Variants in RICTOR observed in about 807,000 individuals in gnomAD.
RICTOR encodes the protein rapamycin-insensitive companion of mTOR.
Under a neutral mutation model 214.9 loss-of-function variants are expected in RICTOR, and 49 were observed. The observed-to-expected ratio is 0.23, with a 90% CI of 0.18 to 0.29. The LOEUF (loss-of-function observed/expected upper bound fraction) is 0.29. Among genes scored for constraint, RICTOR ranks in the 10% least tolerant of loss-of-function variants. The pLI, the probability that RICTOR is intolerant of heterozygous loss-of-function variation, is 1.00. For synonymous variants in RICTOR, 717 were observed against 711.3 expected (o/e 1.01, Z -0.13); for missense variants, 1,625 against 2,047.0 (o/e 0.79, Z 3.98).
chr5:39,073,812 G>A (rs967645018), intron 2 of RICTOR, among the ~76,000 whole-genome samples: 1 of 152,174 alleles, frequency 6.6e-6, no homozygotes, highest in African/African-American at 2.4e-5. Flanking sequence ...CCACTCTGCC[G>A]GAGCTCGAGC....
chr5:39,042,482 T>A (rs954573950), intron 2 of RICTOR, among the ~76,000 whole-genome samples: 6 of 152,196 alleles, frequency 3.9e-5, no homozygotes, highest in African/African-American at 1.2e-4. Flanking sequence ...AAAGTCACAC[T>A]AATACCAGAT....
rs1755135398 is a variant in RICTOR, at chr5:39,018,423, GT to G, written c.195+2615del. Reference sequence around the variant, plus strand: ...TTTTATTGAGCTTCACAGATACTCTGTTTTTTACACATTGAAGGTTTGTGGC... The same window carrying G: ...TTTTATTGAGCTTCACAGATACTCTGTTTTTACACATTGAAGGTTTGTGGC... On this transcript the variant is annotated intron_variant, in intron 3 of 37. Coordinates refer to ENST00000357387, the MANE Select transcript of RICTOR (RefSeq NM_152756.5). Among the ~76,000 whole-genome samples, 2 of 152,054 alleles carry G rather than the reference GT, an allele frequency of 1.3e-5. 1 individual carries two copies. Among genetic ancestry groups the G allele is most frequent in the South Asian group, 4.1e-4 (2 of 4,830 alleles).
At chr5:39,035,720 C>T (rs192684039) in intron 2 of RICTOR, among the ~76,000 whole-genome samples, 6 of 151,738 alleles carry the variant, frequency 4.0e-5, no homozygotes, top group East Asian at 3.9e-4. Flanking sequence ...AGGGTATCAG[C>T]GATAGAAGAT....
At position 38,944,900 on chromosome 5, in the gene RICTOR, T is replaced by C. The variant is rs755408099; in HGVS notation, c.4789+13A>G. 2.5e-6 allele frequency: 4 copies of C among 1,611,656 alleles called. No individual in the cohort carries two copies. The highest frequency in any genetic ancestry group is 4.5e-5 in the East Asian group (2 of 44,864). On this transcript the variant is annotated intron_variant, in intron 35 of 37. Coordinates refer to ENST00000357387, the MANE Select transcript of RICTOR (RefSeq NM_152756.5). ...TTTACTAATAATGATTGGATTTGAATCTGAAGACTCACCTAGTAACAATTC... is the reference window on the plus strand; with the variant it reads ...TTTACTAATAATGATTGGATTTGAACCTGAAGACTCACCTAGTAACAATTC...
intron 2 of RICTOR, among the ~76,000 whole-genome samples, chr5:39,049,987 CTT>C (rs929051504): frequency 6.6e-6 from 1 of 152,098 alleles, no homozygotes; most frequent in Non-Finnish European, 1.5e-5. Context: ...AGGACTGACA[CTT>C]TTCTGGAATT....
rs869254811 is a variant in RICTOR, at chr5:38,994,419, TAAAAAAAAAAAAAAAA to T, written c.456+2384_456+2399del. 5.6e-4 allele frequency among the ~76,000 whole-genome samples: 32 copies of T among 57,158 alleles called. 3 individuals carry two copies. In the South Asian group the frequency reaches 0.014, roughly 25 times the overall value. 37.5% of individuals were successfully genotyped at this position (57,158 alleles called of 152,430 possible). Reference sequence around the variant, plus strand: ...TGTAGTACAGCTGCCAAGGTTTTACTAAAAAAAAAAAAAAAAAAAAAAAAAAAAAAAAAGTGCTTCA... The same window carrying T: ...TGTAGTACAGCTGCCAAGGTTTTACTAAAAAAAAAAAAAAAAAGTGCTTCA... On this transcript the variant is annotated intron_variant, in intron 6 of 37. Coordinates refer to ENST00000357387, the MANE Select transcript of RICTOR (RefSeq NM_152756.5).
chr5:38,946,429 T>C, intron 33 of RICTOR, 39 bp downstream of exon 33: 1 of 1,258,218 alleles, frequency 7.9e-7, no homozygotes, highest in Non-Finnish European at 1.2e-6. Context: ...CTTTTTAATA[T>C]AAAGAGGCAT....
chr5:39,046,495 A>G (rs556993133), intron 2 of RICTOR, among the ~76,000 whole-genome samples: 2 of 143,740 alleles, frequency 1.4e-5, no homozygotes, highest in African/African-American at 5.2e-5. Flanking sequence ...TTACCTCATC[A>G]TCTCCTAAAC....
chr5:39,043,164 G>T (rs1757280695), intron 2 of RICTOR, among the ~76,000 whole-genome samples: 1 of 152,072 alleles, frequency 6.6e-6, no homozygotes, highest in Non-Finnish European at 1.5e-5. Context: ...ATATCAAAGA[G>T]AATGAGTAAA....
chr5:38,999,027 CAAAAAAA>C (rs1186312478), intron 5 of RICTOR, among the ~76,000 whole-genome samples: 51 of 25,350 alleles, frequency 2.0e-3, no homozygotes, highest in Non-Finnish European at 2.8e-3. Context: ...AACAAACAGG[CAAAAAAA>C]AAAAAAAAAA....
intron 7 of RICTOR, among the ~76,000 whole-genome samples, chr5:38,990,041 C>T (rs1358835119): frequency 6.6e-6 from 1 of 152,132 alleles, no homozygotes; most frequent in Non-Finnish European, 1.5e-5. Flanking sequence ...CACATGCACA[C>T]ATGTGTTTAT....
chr5:38,945,648 T>G lies in RICTOR; in HGVS notation c.4476A>C (p.Ile1492=), dbSNP rs1042620150. 1.7e-5 allele frequency: 27 copies of G among 1,613,964 alleles called. No individual in the cohort carries two copies. The highest frequency in any genetic ancestry group is 2.2e-5 in the Non-Finnish European group (26 of 1,179,942). Residue 1492 remains isoleucine, a synonymous_variant, in exon 34 of 38, where the codon ATA becomes ATC. Coordinates refer to ENST00000357387, the MANE Select transcript of RICTOR (RefSeq NM_152756.5). ...LLRQQMSLTE[I]MNSIHSDASL... is the part of the protein sequence containing the mutation. The stretch of plus-strand genomic sequence containing the variant: ...AGGCATCTGAATGGATTGAATTCAT[T>G]ATTTCCGTAAGACTCATCTGCTGTC...
chr5:38,986,060 T>A (rs146033888), intron 7 of RICTOR, among the ~76,000 whole-genome samples: 1 of 152,120 alleles, frequency 6.6e-6, no homozygotes, highest in Non-Finnish European at 1.5e-5. Context: ...CAAGAATGAT[T>A]TGGTTTGGCT....
At chr5:39,046,805 C>G (rs576652524) in intron 2 of RICTOR, among the ~76,000 whole-genome samples, 86 of 151,664 alleles carry the variant, frequency 5.7e-4, no homozygotes, top group Non-Finnish European at 1.1e-3. Flanking sequence ...TGAAGGTTGC[C>G]AGGGAAAAAA....
chr5:38,995,836 G>GT (rs1326538513), intron 6 of RICTOR, among the ~76,000 whole-genome samples: 1 of 152,104 alleles, frequency 6.6e-6, no homozygotes, highest in African/African-American at 2.4e-5. Context: ...CAATCCTAGT[G>GT]TAACAGTTCG....
intron 2 of RICTOR, among the ~76,000 whole-genome samples, chr5:39,049,648 A>C (rs1183234863): frequency 6.9e-6 from 1 of 144,452 alleles, no homozygotes; most frequent in Admixed American, 6.8e-5. Flanking sequence ...AAAAAAAAAA[A>C]GTTATCAAAA....
intron 2 of RICTOR, among the ~76,000 whole-genome samples, chr5:39,035,542 C>T (rs1244635802): frequency 5.3e-5 from 8 of 151,940 alleles, no homozygotes; most frequent in South Asian, 2.1e-4. Flanking sequence ...AGAGGAAGTT[C>T]GAACCAATGG....
chr5:38,967,252 T>C, intron 13 of RICTOR, 25 bp from the exon 14 acceptor site: 1 of 1,608,076 alleles, frequency 6.2e-7, no homozygotes, highest in Non-Finnish European at 8.5e-7. Flanking sequence ...ACAGAAACAA[T>C]TTAAATAAAG....
rs759522013 is a variant in RICTOR, at chr5:38,942,949, T to C, written c.4936A>G (p.Thr1646Ala). Residue 1646 changes from threonine (T) to alanine (A), a missense_variant, in exon 37 of 38, where the codon ACA becomes GCA. By Grantham distance (58) the Thr-to-Ala change is moderately conservative. Around this residue, in one of 5 missense-constraint regions of RICTOR, gnomAD observed 44 missense variants for 90.1 expected, o/e 0.49. Coordinates refer to ENST00000357387, the MANE Select transcript of RICTOR (RefSeq NM_152756.5). ...LLTIKEKYPQTFDDICLYSEV... is the reference protein window; with the variant it reads ...LLTIKEKYPQAFDDICLYSEV... ...GAGTAAAGGCATATGTCATCAAATG[T>C]TTGAGGATACTTCTCCTTAATTCTA... is the stretch of plus-strand genomic sequence containing the variant. 1 of 1,605,468 alleles carries C rather than the reference T, an allele frequency of 6.2e-7. No individual in the cohort carries two copies. Among genetic ancestry groups the C allele is most frequent in the South Asian group, 1.1e-5 (1 of 90,872 alleles).
Sources: gnomAD v4.1 joint callset for allele counts (sites outside exome capture counted in the v4.1 genomes callset) on GRCh38, gnomAD v4.1.1 for gene constraint, gnomAD v4.1.1 regional missense constraint, MANE v1.5 for transcripts, NCBI Gene and HGNC (gene_info 2026-07-23, HGNC 2026-07-21) for gene names.